COL27A1: variants seen among roughly 807,000 people sequenced by gnomAD.
The protein encoded by COL27A1 is collagen type XXVII alpha 1 chain.
In COL27A1, 106 loss-of-function variants were observed where a neutral mutation model predicts 251.3. The ratio of observed to expected loss-of-function variants is 0.42; its 90% confidence interval spans 0.36 to 0.50. COL27A1 has a LOEUF of 0.50. Ranked by LOEUF, COL27A1 falls within the 20% of genes least tolerant of loss-of-function variation. The pLI is 0.00. For missense variants in COL27A1, 2,325 were observed against 2,522.8 expected, an observed-to-expected ratio of 0.92 and a Z score of 1.68; for synonymous variants, 1,000 against 986.3, an observed-to-expected ratio of 1.01 and a Z score of -0.26.
At chr9:114,246,234 C>T (rs982039012) in intron 24 of COL27A1, 19 of 262,076 alleles carry the variant, frequency 7.2e-5, no homozygotes, top group South Asian at 7.8e-5. Context: ...CCTTGGCAGT[C>T]GTTGCTCGTG....
In COL27A1 at chr9:114,290,848, C is replaced by T. The variant is rs1043887735; in HGVS notation, c.4407C>T (p.Gly1469=). The change falls in exon 48 of 61, where the codon GGC becomes GGT. Residue 1469 remains glycine (G), a synonymous_variant. Coordinates refer to ENST00000356083, the MANE Select transcript of COL27A1 (RefSeq NM_032888.4). This position sits in a 1 kb window ranked among gnomAD's most constrained non-coding sequence, Gnocchi z 4.6. ...QGDDGDPGPM[G]PAGKRGNPGV... is the part of the protein sequence containing the mutation. ...ACGATGGGGACCCTGGCCCCATGGG[C>T]CCTGCTGGGAAGAGAGGAAATCCAG... The T allele has an allele frequency of 9.0e-6, 14 of 1,551,488 alleles. No individual in the cohort carries two copies. The highest frequency in any genetic ancestry group is 1.2e-5 in the Non-Finnish European group (14 of 1,146,936).
intron 19 of COL27A1, among the ~76,000 whole-genome samples, chr9:114,239,873 G>A (rs949210843): frequency 6.6e-6 from 1 of 152,206 alleles, no homozygotes; most frequent in Non-Finnish European, 1.5e-5. Flanking sequence ...AGGGCAAGGC[G>A]TGGCTGGCTC....
chr9:114,275,810 A>AC, intron 37 of COL27A1, 42 bp downstream of exon 37: 2 of 1,336,740 alleles, frequency 1.5e-6, no homozygotes, highest in Non-Finnish European at 2.1e-6. Flanking sequence ...GCTCTGGGGT[A>AC]CCCTGAACTC....
chr9:114,292,304 C>G, intron 49 of COL27A1, 94 bp downstream of exon 49: 1 of 948,024 alleles, frequency 1.1e-6, no homozygotes, highest in Middle Eastern at 3.1e-4. Context: ...CACTCATACA[C>G]ACACACAAAC....
intron 41 of COL27A1, among the ~76,000 whole-genome samples, chr9:114,286,944 C>G (rs1291941649): frequency 6.6e-6 from 1 of 152,166 alleles, no homozygotes; most frequent in Non-Finnish European, 1.5e-5. Flanking sequence ...ACAAACCTCA[C>G]AGAGTGCCTG....
chr9:114,196,080 A>G, intron 7 of COL27A1, 68 bp downstream of exon 7: 1 of 1,395,110 alleles, frequency 7.2e-7, no homozygotes. Flanking sequence ...TTCAGGCAGA[A>G]GAGCTGTGGG....
chr9:114,189,603 A>AT lies in COL27A1; in HGVS notation c.2017-4796dup, dbSNP rs1054433672. ...AGAATTGCCGTCTTTAAAATATTAC[A>AT]TTTTTCTATCTAAAAACATGGCATG... is the stretch of plus-strand genomic sequence containing the variant. On this transcript the variant is annotated intron_variant, in intron 5 of 60. Transcript: ENST00000356083. Among the ~76,000 whole-genome samples, 14 of 152,180 alleles carry AT rather than the reference A, an allele frequency of 9.2e-5. 1 individual carries two copies. Among genetic ancestry groups the AT allele is most frequent in the African/African-American group, 3.4e-4 (14 of 41,522 alleles).
intron 49 of COL27A1, among the ~76,000 whole-genome samples, chr9:114,295,206 A>G (rs1043473090): frequency 6.6e-6 from 1 of 152,280 alleles, no homozygotes; most frequent in Non-Finnish European, 1.5e-5. Context: ...GCATAAAAAC[A>G]TGAAATACTT....
At chr9:114,284,883 C>T (rs1827349963) in intron 41 of COL27A1, 106 bp downstream of exon 41, 2 of 1,235,680 alleles carry the variant, frequency 1.6e-6, no homozygotes, top group South Asian at 1.2e-5. Context: ...GCTGGAGAAG[C>T]CTGTGGGGGC....
chr9:114,228,012 G>T (rs2306954), intron 14 of COL27A1, among the ~76,000 whole-genome samples: 2 of 152,046 alleles, frequency 1.3e-5, no homozygotes, highest in Non-Finnish European at 2.9e-5. Context: ...CACCTTCTCC[G>T]GGTGTGGCCT....
At chr9:114,306,469 A>G in intron 57 of COL27A1, 51 bp from the exon 58 acceptor site, 1 of 1,592,818 alleles carries the variant, frequency 6.3e-7, no homozygotes, top group East Asian at 2.2e-5. Flanking sequence ...CTTGAACCCC[A>G]GGCTGGACCA....
intron 41 of COL27A1, among the ~76,000 whole-genome samples, chr9:114,286,262 CAG>C (rs1292837685): frequency 6.6e-6 from 1 of 152,156 alleles, no homozygotes; most frequent in East Asian, 1.9e-4. Flanking sequence ...CGCCCACGTG[CAG>C]AGTTCTTTCC....
In COL27A1 at chr9:114,292,270, C is replaced by T. The variant is rs114191688; in HGVS notation, c.4584+60C>T. ...ACTCACACATGCACACACTCACATACACCTACATGTACAAACACATGCACA... is the reference window on the plus strand; with the variant it reads ...ACTCACACATGCACACACTCACATATACCTACATGTACAAACACATGCACA... On this transcript the variant is annotated intron_variant, in intron 49 of 60. Coordinates refer to ENST00000356083, the MANE Select transcript of COL27A1 (RefSeq NM_032888.4). The T allele has an allele frequency of 4.6e-4, 581 of 1,265,356 alleles. 1 individual carries two copies. In the African/African-American group the frequency reaches 7.1e-3, roughly 15 times the overall value. 78.4% of individuals were successfully genotyped at this position (1,265,356 alleles called of 1,614,324 possible). A position where few individuals can be genotyped will look rare whatever the true frequency, so the allele number is the denominator to read the frequency against.
intron 1 of COL27A1, among the ~76,000 whole-genome samples, chr9:114,157,279 T>C (rs372136105): frequency 4.6e-5 from 7 of 152,328 alleles, no homozygotes; most frequent in African/African-American, 1.4e-4. Context: ...AGTCTCTGCC[T>C]TCTCCTGCCT....
chr9:114,265,395 A>G (rs762813028), intron 31 of COL27A1, 27 bp from the exon 32 acceptor site: 2 of 1,611,746 alleles, frequency 1.2e-6, no homozygotes, highest in South Asian at 1.1e-5. Context: ...TGGAGGGCCT[A>G]AGGTCACCTT....
intron 4 of COL27A1, 109 bp downstream of exon 4, chr9:114,178,453 C>G (rs903457254): frequency 1.3e-5 from 12 of 955,982 alleles, no homozygotes; most frequent in East Asian, 1.2e-4. Flanking sequence ...TTCCCTCCCC[C>G]TCTCTGGCAC....
chr9:114,169,478 G>T lies in COL27A1; in HGVS notation c.1908+15G>T. Reference sequence around the variant, plus strand: ...GTGGCTTGCCGGTAAGACTGAGTGGGGTCTGCATGCTGCTTGGAGCTCCAG... The same window carrying T: ...GTGGCTTGCCGGTAAGACTGAGTGGTGTCTGCATGCTGCTTGGAGCTCCAG... On this transcript the variant is annotated intron_variant, in intron 3 of 60. Coordinates refer to ENST00000356083, the MANE Select transcript of COL27A1 (RefSeq NM_032888.4). The T allele has an allele frequency of 2.0e-6, 3 of 1,506,802 alleles. No individual in the cohort carries two copies. The highest frequency in any genetic ancestry group is 1.8e-4 in the Middle Eastern group (1 of 5,594). 93.3% of individuals were successfully genotyped at this position (1,506,802 alleles called of 1,614,324 possible). A position where few individuals can be genotyped will look rare whatever the true frequency, so the allele number is the denominator to read the frequency against.
At chr9:114,296,642 G>A (rs1164262783) in intron 49 of COL27A1, among the ~76,000 whole-genome samples, 1 of 152,118 alleles carries the variant, frequency 6.6e-6, no homozygotes, top group Admixed American at 6.5e-5. Flanking sequence ...GGAATCAGTT[G>A]GGCAGCTTCT....
rs751040547 is a variant in COL27A1 at position 114,167,680 on chromosome 9, C to T, written c.134-9C>T. ...GACTGCGTCCTCTCCCCTTTTCCCT[C>T]CCTCTCAGATGTGGACATCCTCCAG... On this transcript the variant is annotated splice_polypyrimidine_tract_variant and intron_variant, in intron 2 of 60. Coordinates refer to ENST00000356083, the MANE Select transcript of COL27A1 (RefSeq NM_032888.4). 1 of 1,600,828 alleles carries T rather than the reference C, an allele frequency of 6.2e-7. No homozygotes were observed. The highest frequency in any genetic ancestry group is 8.5e-7 in the Non-Finnish European group (1 of 1,171,318).
Sources: gnomAD v4.1 joint callset for allele counts (sites outside exome capture counted in the v4.1 genomes callset) on GRCh38, gnomAD v4.1.1 for gene constraint, Gnocchi (gnomAD v3.1) non-coding constraint, MANE v1.5 for transcripts, NCBI Gene and HGNC (gene_info 2026-07-23, HGNC 2026-07-21) for gene names.